Variants in MYO18B observed in about 807,000 individuals in gnomAD.
The protein encoded by MYO18B is unconventional myosin-XVIIIb.
In MYO18B, 204 loss-of-function variants were observed where a neutral mutation model predicts 273.0. The observed-to-expected ratio is 0.75, with a 90% CI of 0.67 to 0.84. MYO18B has a LOEUF of 0.84. Among genes scored for constraint, MYO18B ranks in the 40% least tolerant of loss-of-function variants. The pLI is 0.00. For missense variants in MYO18B, 3,212 were observed against 3,287.6 expected, an observed-to-expected ratio of 0.98 and a Z score of 0.56; for synonymous variants, 1,330 against 1,305.7, an observed-to-expected ratio of 1.02 and a Z score of -0.40.
At chr22:25,850,350 C>T (rs1484413144) in intron 20 of MYO18B, among the ~76,000 whole-genome samples, 1 of 152,072 alleles carries the variant, frequency 6.6e-6, no homozygotes, top group African/African-American at 2.4e-5. Flanking sequence ...GGTCTCTGCT[C>T]GTCTTTGGCT....
intron 1 of MYO18B, among the ~76,000 whole-genome samples, chr22:25,746,382 G>A (rs1390735247): frequency 1.3e-5 from 2 of 152,128 alleles, no homozygotes; most frequent in East Asian, 3.8e-4. Context: ...CTTCCCATTT[G>A]TCATGATTCT....
chr22:25,919,221 G>A (rs2092305562), intron 33 of MYO18B, among the ~76,000 whole-genome samples: 1 of 152,112 alleles, frequency 6.6e-6, no homozygotes, highest in Non-Finnish European at 1.5e-5. Context: ...AGCCTGAGCT[G>A]GGTAATGCTC....
At chr22:25,889,616 C>T (rs1445205792) in intron 25 of MYO18B, among the ~76,000 whole-genome samples, 3 of 151,336 alleles carry the variant, frequency 2.0e-5, no homozygotes, top group African/African-American at 4.9e-5. Context: ...TTATGAGCTG[C>T]CCTTCTCCTA....
At chr22:26,053,769 A>G in the MYO18B span, among the ~76,000 whole-genome samples, 1 of 152,210 alleles carries the variant, frequency 6.6e-6, no homozygotes, top group African/African-American at 2.4e-5. Flanking sequence ...CAAGAGACTG[A>G]GTCCGGGTGC....
chr22:25,873,007 C>T (rs2091089996), intron 22 of MYO18B, among the ~76,000 whole-genome samples: 1 of 152,192 alleles, frequency 6.6e-6, no homozygotes, highest in African/African-American at 2.4e-5. Context: ...CATTTTTCCT[C>T]TGCCTCTGGG....
At chr22:25,884,533 A>G (rs1390004860) in intron 25 of MYO18B, among the ~76,000 whole-genome samples, 1 of 152,234 alleles carries the variant, frequency 6.6e-6, no homozygotes, top group Non-Finnish European at 1.5e-5. Context: ...TCATATTCAT[A>G]GATGGTCCTG....
At position 25,839,361 on chromosome 22, in the gene MYO18B, C is replaced by T. The variant is rs886229160; in HGVS notation, c.3208+3918C>T. On this transcript the variant is annotated intron_variant, in intron 17 of 43. Transcript: ENST00000335473. ...CAGGAAGTTGTGCTGCGGCCCTGGC[C>T]GTGCTCACCCTGCAGGAGTCCTGGC... Among the ~76,000 whole-genome samples the T allele has an allele frequency of 3.9e-5, 6 of 152,160 alleles. No individual in the cohort carries two copies. The East Asian group carries it at 7.7e-4, about 20-fold the overall frequency.
At chr22:25,761,731 TC>T (rs1490498554) in intron 2 of MYO18B, among the ~76,000 whole-genome samples, 1 of 152,136 alleles carries the variant, frequency 6.6e-6, no homozygotes, top group Non-Finnish European at 1.5e-5. Flanking sequence ...GTGAGAAACT[TC>T]TTTCTGGCTG....
intron 17 of MYO18B, among the ~76,000 whole-genome samples, chr22:25,843,020 C>T (rs1183564227): frequency 2.0e-5 from 3 of 152,154 alleles, no homozygotes; most frequent in Non-Finnish European, 4.4e-5. Flanking sequence ...TACATTATCT[C>T]CTTTAAGCCA....
the MYO18B span, among the ~76,000 whole-genome samples, chr22:26,051,216 C>CTTTTTTTT: frequency 7.6e-5 from 7 of 92,584 alleles, no homozygotes; most frequent in South Asian, 4.6e-4. Flanking sequence ...TAATTGGTCC[C>CTTTTTTTT]TTTTTTTTTT....
At chr22:25,817,149 GA>G (rs2089050636) in intron 12 of MYO18B, among the ~76,000 whole-genome samples, 1 of 152,134 alleles carries the variant, frequency 6.6e-6, no homozygotes, top group African/African-American at 2.4e-5. Context: ...GAGCAACTCA[GA>G]AACGGCAGTT....
rs200084480 is a variant in MYO18B, at chr22:25,768,549, G to A, written c.633G>A (p.Pro211=). ...GSQASTEILA[P]KAEKTRTGGL... is the part of the protein sequence containing the mutation. ...AGGCCAGCACCGAGATCTTGGCCCC[G>A]AAAGCTGAGAAGACCCGGACTGGGG... Residue 211 remains proline, a synonymous_variant, in exon 4 of 44, where the codon CCG becomes CCA. Transcript: ENST00000335473. The A allele has an allele frequency of 1.0e-4, 155 of 1,543,868 alleles. No homozygotes were observed. Among genetic ancestry groups the A allele is most frequent in the Middle Eastern group, 3.5e-4 (2 of 5,710 alleles).
intron 1 of MYO18B, among the ~76,000 whole-genome samples, chr22:25,744,528 G>A (rs1318562810): frequency 1.3e-5 from 2 of 152,108 alleles, no homozygotes; most frequent in Admixed American, 6.6e-5. Context: ...TCAGGAGATC[G>A]AGACCATCCT....
Position 25,798,173 on chromosome 22 carries a change from G to T in MYO18B, c.2521+76G>T, listed in dbSNP as rs1373077358. On this transcript the variant is annotated intron_variant, in intron 12 of 43. Coordinates refer to ENST00000335473, the MANE Select transcript of MYO18B (RefSeq NM_032608.7). ...AGGTGCCTGACAAGGCCCTTCTCTC[G>T]GAGCGGTGGGAACAGGGTCAATCTG... 3.4e-6 allele frequency: 5 copies of T among 1,471,480 alleles called. No individual in the cohort carries two copies. In the South Asian group the frequency reaches 6.8e-5, roughly 20 times the overall value. 91.2% of individuals were successfully genotyped at this position (1,471,480 alleles called of 1,614,324 possible).
chr22:25,905,662 C>A (rs969230024), intron 31 of MYO18B, among the ~76,000 whole-genome samples: 1 of 152,176 alleles, frequency 6.6e-6, no homozygotes, highest in African/African-American at 2.4e-5. Flanking sequence ...ATTCAAGGAG[C>A]TGTAATACGG....
chr22:25,795,210 A>G (rs888843374), intron 11 of MYO18B, among the ~76,000 whole-genome samples: 9 of 151,936 alleles, frequency 5.9e-5, no homozygotes, highest in Non-Finnish European at 1.2e-4. Flanking sequence ...TGTTCACTTG[A>G]CTTCTTTCTG....
At chr22:25,772,808 CT>C (rs1209325045) in intron 7 of MYO18B, among the ~76,000 whole-genome samples, 1 of 152,236 alleles carries the variant, frequency 6.6e-6, no homozygotes, top group Admixed American at 6.5e-5. Flanking sequence ...TATGCACCTT[CT>C]TGTATTAACT....
chr22:25,908,273 G>T, intron 31 of MYO18B, 49 bp from the exon 32 acceptor site: 2 of 1,425,302 alleles, frequency 1.4e-6, no homozygotes, highest in South Asian at 2.5e-5. Flanking sequence ...GGAGGGCTTG[G>T]AGAGTTAGAG....
the MYO18B span, among the ~76,000 whole-genome samples, chr22:26,057,099 C>T: frequency 1.3e-5 from 2 of 152,124 alleles, no homozygotes; most frequent in South Asian, 4.2e-4. Flanking sequence ...GGACAACCGT[C>T]CCCTGGGTTC....
Sources: gnomAD v4.1 joint callset for allele counts (sites outside exome capture counted in the v4.1 genomes callset) on GRCh38, gnomAD v4.1.1 for gene constraint, MANE v1.5 for transcripts, NCBI Gene and HGNC (gene_info 2026-07-23, HGNC 2026-07-21) for gene names.